PTPRN2: variants seen among roughly 807,000 people sequenced by gnomAD.
PTPRN2 encodes receptor-type tyrosine-protein phosphatase N2.
A neutral mutation model predicts 118.8 loss-of-function variants in PTPRN2; 74 were observed. That is an observed-to-expected ratio of 0.62 (90% CI 0.52 to 0.76). The LOEUF (loss-of-function observed/expected upper bound fraction) is 0.76. Ranked by LOEUF, PTPRN2 falls within the 30% of genes least tolerant of loss-of-function variation. PTPRN2 has a pLI of 0.00. For synonymous variants in PTPRN2, 641 were observed against 608.0 expected (o/e 1.05, Z -0.80); for missense variants, 1,481 against 1,394.4 (o/e 1.06, Z -0.99).
At chr7:158,195,279 C>T (rs189290828) in intron 4 of PTPRN2, among the ~76,000 whole-genome samples, 28 of 152,348 alleles carry the variant, frequency 1.8e-4, no homozygotes, top group Non-Finnish European at 2.9e-4. Context: ...TGCTTTCCAT[C>T]GTCTTCTGGC....
At chr7:157,973,331 A>T (rs1802483186) in intron 11 of PTPRN2, among the ~76,000 whole-genome samples, 1 of 152,066 alleles carries the variant, frequency 6.6e-6, no homozygotes, top group African/African-American at 2.4e-5. Flanking sequence ...CTGCAGATGT[A>T]AAATAACAAA....
rs1806943992 is a variant in PTPRN2, at chr7:158,022,328, G to A, written c.1723+58970C>T. 6.6e-6 allele frequency among the ~76,000 whole-genome samples: 1 copy of A among 152,174 alleles called. No individual in the cohort carries two copies. The highest frequency in any genetic ancestry group is 2.1e-4 in the South Asian group (1 of 4,820). On this transcript the variant is annotated intron_variant, in intron 11 of 22. Coordinates refer to ENST00000389418, the MANE Select transcript of PTPRN2 (RefSeq NM_002847.5). This position sits in a 1 kb window ranked among gnomAD's most constrained non-coding sequence, Gnocchi z 4.6. ...TCCTTCCTGACGGCCTCCACCACGA[G>A]ACTTCAGGTCATCCTTTAATGAGGG... is the stretch of plus-strand genomic sequence containing the variant.
chr7:158,238,098 G>A (rs1027442520), intron 3 of PTPRN2, among the ~76,000 whole-genome samples: 43 of 152,234 alleles, frequency 2.8e-4, no homozygotes, highest in Non-Finnish European at 4.3e-4. Flanking sequence ...GGGAACGTCC[G>A]CCCCGTCCTG....
chr7:158,194,721 G>A (rs914965339), intron 4 of PTPRN2, among the ~76,000 whole-genome samples: 3 of 152,236 alleles, frequency 2.0e-5, no homozygotes, highest in African/African-American at 7.2e-5. Context: ...GAGCCCTGGG[G>A]CATGGCTCCA....
In PTPRN2 at chr7:158,360,047, C is replaced by CCT. The variant is rs1279411491; in HGVS notation, c.164-43116_164-43115insAG. On this transcript the variant is annotated intron_variant, in intron 2 of 22. Coordinates refer to ENST00000389418, the MANE Select transcript of PTPRN2 (RefSeq NM_002847.5). ...GACAACCCACAGATCCCAAGTCCACCCACACCCAGGACGACGCACAGACCC... is the reference window on the plus strand; with the variant it reads ...GACAACCCACAGATCCCAAGTCCACCCTCACACCCAGGACGACGCACAGACCC... Among the ~76,000 whole-genome samples the CCT allele has an allele frequency of 7.6e-4, 109 of 142,878 alleles. 10 individuals carry two copies. The highest frequency in any genetic ancestry group is 2.8e-3 in the African/African-American group (104 of 36,800). The allele number at this position is 142,878 out of a possible 152,430, so 93.7% of individuals were successfully genotyped here. A position where few individuals can be genotyped will look rare whatever the true frequency, so the allele number is the denominator to read the frequency against.
At chr7:158,083,222 T>A (rs1474255655) in intron 10 of PTPRN2, among the ~76,000 whole-genome samples, 1 of 152,162 alleles carries the variant, frequency 6.6e-6, no homozygotes, top group Non-Finnish European at 1.5e-5. Flanking sequence ...GCATGCATGA[T>A]GATTTCTGCC....
In PTPRN2 at chr7:157,739,604, G is replaced by A. The variant is rs187367664; in HGVS notation, c.1789-56667C>T. 5.1e-3 allele frequency among the ~76,000 whole-genome samples: 776 copies of A among 152,326 alleles called. 15 individuals are homozygous for A. Among genetic ancestry groups the A allele is most frequent in the East Asian group, 0.045 (232 of 5,190 alleles). On this transcript the variant is annotated intron_variant, in intron 12 of 22. Transcript: ENST00000389418. ...TGACACCTGTGCCTTCAGCTGCCCC[G>A]AGGTCAACTCAATGCCAACTGCCAT...
intron 12 of PTPRN2, among the ~76,000 whole-genome samples, chr7:157,749,761 G>GTAGACTGTT (rs1801334727): frequency 7.0e-6 from 1 of 143,780 alleles, no homozygotes. Flanking sequence ...TCCCTGAGCT[G>GTAGACTGTT]CGGGGTGTGT....
intron 12 of PTPRN2, chr7:157,863,817 C>A (rs1308030971): frequency 6.6e-6 from 1 of 152,204 alleles, no homozygotes; most frequent in Non-Finnish European, 1.5e-5. Context: ...TGTGGAGACA[C>A]CTGAAGATGA....
chr7:157,800,982 TACAC>T (rs1183340338), intron 12 of PTPRN2, among the ~76,000 whole-genome samples: 2 of 150,492 alleles, frequency 1.3e-5, no homozygotes, highest in Non-Finnish European at 3.0e-5. Flanking sequence ...TATATATATA[TACAC>T]ACACATATAT....
intron 5 of PTPRN2, among the ~76,000 whole-genome samples, chr7:158,190,800 GCT>G (rs1825699923): frequency 6.6e-6 from 1 of 152,284 alleles, no homozygotes; most frequent in African/African-American, 2.4e-5. Flanking sequence ...CAGCATCAGG[GCT>G]CTGTTTGGCG....
At chr7:158,205,295 A>C (rs768053526) in intron 3 of PTPRN2, 22 bp from the exon 4 acceptor site, 6 of 1,571,012 alleles carry the variant, frequency 3.8e-6, no homozygotes, top group Non-Finnish European at 5.3e-6. Context: ...AATTGCAAAA[A>C]TTATGTCATC....
At chr7:157,747,302 T>C (rs1343898168) in intron 12 of PTPRN2, among the ~76,000 whole-genome samples, 13 of 128,446 alleles carry the variant, frequency 1.0e-4, no homozygotes, top group East Asian at 5.6e-4. Context: ...CTCTGAGCTG[T>C]GGGGTGTCCG....
intron 12 of PTPRN2, among the ~76,000 whole-genome samples, chr7:157,833,271 A>T (rs1282795379): frequency 1.4e-5 from 2 of 146,970 alleles, no homozygotes; most frequent in Non-Finnish European, 3.0e-5. Flanking sequence ...AAACTCGTCC[A>T]GGAAGTGTGT....
intron 6 of PTPRN2, among the ~76,000 whole-genome samples, chr7:158,165,952 CAG>C (rs532655305): frequency 6.8e-4 from 103 of 152,272 alleles, no homozygotes; most frequent in African/African-American, 2.2e-3. Context: ...GAAATCCAGA[CAG>C]GGGGCTTCGG....
intron 6 of PTPRN2, among the ~76,000 whole-genome samples, chr7:158,139,005 T>C (rs1197697450): frequency 6.6e-6 from 1 of 151,886 alleles, no homozygotes; most frequent in Non-Finnish European, 1.5e-5. Flanking sequence ...CTGCCCAGCA[T>C]GGACCAACTC....
In PTPRN2 at chr7:157,603,892, C is replaced by G; in HGVS notation, c.2418+110G>C. ...GAGTCGGCCCTGTCCACCGCAGAGA[C>G]GCTGAGCTGGGTGGGGACGTGATTT... On this transcript the variant is annotated intron_variant, in intron 16 of 22. Transcript: ENST00000389418. This position sits in a 1 kb window ranked among gnomAD's most constrained non-coding sequence, Gnocchi z 5.4. The G allele has an allele frequency of 9.6e-7, 1 of 1,037,860 alleles. No individual in the cohort carries two copies. The highest frequency in any genetic ancestry group is 1.4e-6 in the Non-Finnish European group (1 of 703,254). 64.3% of individuals were successfully genotyped at this position (1,037,860 alleles called of 1,614,324 possible).
chr7:158,158,606 A>G (rs1197988958), intron 6 of PTPRN2, among the ~76,000 whole-genome samples: 1 of 145,688 alleles, frequency 6.9e-6, no homozygotes, highest in African/African-American at 2.5e-5. Flanking sequence ...TGAATGAATG[A>G]GTGAACTCGG....
chr7:158,105,883 C>T (rs1309350562), intron 10 of PTPRN2, among the ~76,000 whole-genome samples: 5 of 151,726 alleles, frequency 3.3e-5, no homozygotes, highest in African/African-American at 1.2e-4. Context: ...CATCTCCATA[C>T]TACTCTATAC....
Sources: allele counts gnomAD v4.1 joint callset (sites outside exome capture counted in the v4.1 genomes callset), GRCh38; gene constraint gnomAD v4.1.1; non-coding constraint Gnocchi (gnomAD v3.1); transcripts MANE v1.5; gene names NCBI Gene and HGNC (gene_info 2026-07-23, HGNC 2026-07-21).